Variants in PPARG observed in about 807,000 individuals in gnomAD.
PPARG encodes the protein peroxisome proliferator activated receptor gamma.
PPARG carries 17 observed loss-of-function variants against 39.2 expected under a neutral mutation model. The observed-to-expected ratio is 0.43, with a 90% CI of 0.30 to 0.65. PPARG has a LOEUF of 0.65. Ranked by LOEUF, PPARG falls within the 30% of genes least tolerant of loss-of-function variation. PPARG has a pLI of 0.13. For synonymous variants in PPARG, 223 were observed against 215.7 expected, an observed-to-expected ratio of 1.03 and a Z score of -0.30; for missense variants, 406 against 585.9, an observed-to-expected ratio of 0.69 and a Z score of 3.17.
chr3:12,330,542 T>C (rs879873335), intron 2 of PPARG, among the ~76,000 whole-genome samples: 6 of 152,182 alleles, frequency 3.9e-5, no homozygotes, highest in Non-Finnish European at 8.8e-5. Flanking sequence ...CTCCCATATT[T>C]CTCCACAAAG....
intron 2 of PPARG, among the ~76,000 whole-genome samples, chr3:12,362,166 C>G (rs2048867134): frequency 6.6e-6 from 1 of 151,998 alleles, no homozygotes; most frequent in Admixed American, 6.6e-5. Context: ...TGACCTTGTA[C>G]CCAGCAACTT....
chr3:12,392,450 T>C (rs1010277193), intron 4 of PPARG, among the ~76,000 whole-genome samples, 164 bp from the exon 5 acceptor site: 3 of 152,130 alleles, frequency 2.0e-5, no homozygotes, highest in African/African-American at 4.8e-5. Context: ...GCAGAGAACA[T>C]TTAGTTCCAG....
At chr3:12,405,364 G>A (rs375465517) in intron 5 of PPARG, among the ~76,000 whole-genome samples, 2 of 152,164 alleles carry the variant, frequency 1.3e-5, no homozygotes, top group South Asian at 4.2e-4. Context: ...ATGTGATAAA[G>A]CACCATCCAT....
intron 1 of PPARG, among the ~76,000 whole-genome samples, chr3:12,310,620 C>T (rs1203626395): frequency 1.6e-5 from 2 of 124,094 alleles, no homozygotes; most frequent in Non-Finnish European, 3.5e-5. Context: ...CCCGCCACTA[C>T]GCCCGGCTAA....
intron 3 of PPARG, 125 bp downstream of exon 3, chr3:12,380,056 T>G: frequency 1.1e-6 from 1 of 891,538 alleles, no homozygotes. Flanking sequence ...ACCATTCATT[T>G]ATTCACCCAT....
chr3:12,397,965 T>G (rs1047524787), intron 5 of PPARG, among the ~76,000 whole-genome samples: 2 of 152,130 alleles, frequency 1.3e-5, no homozygotes, highest in African/African-American at 4.8e-5. Context: ...TGGCTTATGC[T>G]TGGATACCTC....
intron 4 of PPARG, among the ~76,000 whole-genome samples, chr3:12,391,129 A>G (rs1053573972): frequency 2.0e-5 from 3 of 152,216 alleles, no homozygotes; most frequent in Admixed American, 6.5e-5. Context: ...AAGTTACGTG[A>G]CATCTGTATT....
intron 2 of PPARG, among the ~76,000 whole-genome samples, chr3:12,362,136 T>C (rs2048865667): frequency 6.6e-6 from 1 of 152,192 alleles, no homozygotes; most frequent in African/African-American, 2.4e-5. Context: ...CTTATAGAAA[T>C]ATAATTGGTT....
chr3:12,293,765 C>T (rs2046709594), intron 1 of PPARG, among the ~76,000 whole-genome samples: 1 of 152,114 alleles, frequency 6.6e-6, no homozygotes, highest in African/African-American at 2.4e-5. Context: ...ACTTTTTCAT[C>T]CTGTATGTTT....
At position 12,372,505 on chromosome 3, in the gene PPARG, C is replaced by T. The variant is rs147877612; in HGVS notation, c.-8-7199C>T. ...GTTGTGAGGATTAAATGACACAATC[C>T]GGGCACAATATTTGGCGTAGTACTT... On this transcript the variant is annotated intron_variant, in intron 2 of 7. Transcript: ENST00000651735. Among the ~76,000 whole-genome samples the T allele has an allele frequency of 2.3e-3, 347 of 152,220 alleles. 2 individuals carry two copies. Among genetic ancestry groups the T allele is most frequent in the Non-Finnish European group, 3.9e-3 (267 of 68,012 alleles).
At chr3:12,396,629 G>T (rs115970810) in intron 5 of PPARG, among the ~76,000 whole-genome samples, 1 of 151,908 alleles carries the variant, frequency 6.6e-6, no homozygotes, top group African/African-American at 2.4e-5. Context: ...GTGATGGCTT[G>T]TGCCTGTGGT....
intron 2 of PPARG, chr3:12,327,860 CA>C: frequency 2.1e-6 from 1 of 479,244 alleles, no homozygotes; most frequent in East Asian, 3.4e-5. Flanking sequence ...TTATCACAAA[CA>C]AAGCAAGCAA....
chr3:12,327,452 C>T (rs192176788), intron 2 of PPARG, among the ~76,000 whole-genome samples: 2 of 152,236 alleles, frequency 1.3e-5, no homozygotes, highest in African/African-American at 2.4e-5. Flanking sequence ...TATGAGTAGT[C>T]GCCTTTTTCC....
intron 2 of PPARG, chr3:12,328,136 T>C: frequency 1.6e-6 from 2 of 1,290,152 alleles, no homozygotes; most frequent in African/African-American, 1.5e-5. Flanking sequence ...AAGGAAGCAA[T>C]TCACAATCAA....
chr3:12,380,890 C>A (rs1380978193), intron 3 of PPARG, among the ~76,000 whole-genome samples: 1 of 152,138 alleles, frequency 6.6e-6, no homozygotes, highest in Non-Finnish European at 1.5e-5. Context: ...AGTGGTGTTC[C>A]TTCTGTGGTT....
intron 2 of PPARG, among the ~76,000 whole-genome samples, chr3:12,370,269 T>G (rs1451214555): frequency 1.3e-5 from 2 of 152,178 alleles, no homozygotes; most frequent in Non-Finnish European, 1.5e-5. Flanking sequence ...AGTGTCATTC[T>G]GATTCCTGAT....
At chr3:12,334,915 A>G (rs3885307) in intron 2 of PPARG, among the ~76,000 whole-genome samples, 52,043 of 151,982 alleles carry the variant, frequency 0.34, 10,053 homozygotes, top group African/African-American at 0.54. Context: ...GTTTATTCCC[A>G]TACTTAACTT....
At chr3:12,309,036 A>T (rs1445535664) in intron 1 of PPARG, among the ~76,000 whole-genome samples, 1 of 152,230 alleles carries the variant, frequency 6.6e-6, no homozygotes, top group Non-Finnish European at 1.5e-5. Context: ...TGCAGAGTAC[A>T]TACTATGCTA....
At chr3:12,313,211 A>G (rs990286699) in intron 2 of PPARG, among the ~76,000 whole-genome samples, 1 of 152,168 alleles carries the variant, frequency 6.6e-6, no homozygotes, top group Non-Finnish European at 1.5e-5. Context: ...GAAATCCACA[A>G]CATTGAATAA....
Sources: gnomAD v4.1 joint callset for allele counts (sites outside exome capture counted in the v4.1 genomes callset) on GRCh38, gnomAD v4.1.1 for gene constraint, MANE v1.5 for transcripts, NCBI Gene and HGNC (gene_info 2026-07-23, HGNC 2026-07-21) for gene names.